Variants in PTPRD observed in about 807,000 individuals in gnomAD.
PTPRD encodes the protein protein tyrosine phosphatase receptor type D.
In PTPRD, 34 loss-of-function variants were observed where a neutral mutation model predicts 214.5. The observed-to-expected ratio is 0.16, with a 90% CI of 0.12 to 0.21. The LOEUF (loss-of-function observed/expected upper bound fraction) is 0.21, where lower values mean the gene tolerates loss of function less well. PTPRD is among the 10% of genes least tolerant of loss of function. The probability of loss-of-function intolerance (pLI) is 1.00; values close to 1 mark genes in which losing one functional copy is unlikely to be tolerated. For missense variants in PTPRD, 2,545 were observed against 2,398.7 expected, an observed-to-expected ratio of 1.06 and a Z score of -1.27; for synonymous variants, 1,128 against 845.7, an observed-to-expected ratio of 1.33 and a Z score of -5.79.
At chr9:10,165,863 G>T (rs1191209524) in intron 3 of PTPRD, among the ~76,000 whole-genome samples, 2 of 150,690 alleles carry the variant, frequency 1.3e-5, no homozygotes. Context: ...TTAAAGGCAT[G>T]AGTTCTGTAA....
intron 2 of PTPRD, among the ~76,000 whole-genome samples, chr9:10,467,974 T>C (rs1277748663): frequency 5.3e-5 from 8 of 152,136 alleles, no homozygotes; most frequent in Non-Finnish European, 1.2e-4. Flanking sequence ...CCAGTTAGAA[T>C]GGCAACCATT....
chr9:8,345,689 T>G (rs1020924558), intron 39 of PTPRD, among the ~76,000 whole-genome samples: 1 of 152,078 alleles, frequency 6.6e-6, no homozygotes, highest in African/African-American at 2.4e-5. Flanking sequence ...GTATCACGGT[T>G]CCATTGATTC....
intron 34 of PTPRD, among the ~76,000 whole-genome samples, chr9:8,441,608 T>C (rs2095548598): frequency 6.6e-6 from 1 of 151,742 alleles, no homozygotes; most frequent in Admixed American, 6.6e-5. Context: ...TCAAGGAGTG[T>C]TGGGAGTGAC....
At chr9:10,360,832 G>C (rs533677705) in intron 2 of PTPRD, among the ~76,000 whole-genome samples, 8 of 152,184 alleles carry the variant, frequency 5.3e-5, no homozygotes, top group African/African-American at 7.2e-5. Context: ...GCCAGGCGCG[G>C]TGGCTCACGC....
At chr9:9,214,483 A>ATTT in intron 9 of PTPRD, among the ~76,000 whole-genome samples, 2 of 144,864 alleles carry the variant, frequency 1.4e-5, no homozygotes, top group African/African-American at 5.1e-5. Flanking sequence ...AGGGAGGAGG[A>ATTT]TTTTTTTTTT....
chr9:9,479,217 C>CAA (rs2095278200), intron 8 of PTPRD, among the ~76,000 whole-genome samples: 1 of 11,104 alleles, frequency 9.0e-5, no homozygotes, highest in Admixed American at 5.6e-4. Context: ...ACACACACGC[C>CAA]CCCCCCCCCC....
At chr9:10,499,355 G>A (rs932480339) in intron 2 of PTPRD, among the ~76,000 whole-genome samples, 3 of 151,800 alleles carry the variant, frequency 2.0e-5, no homozygotes, top group African/African-American at 7.2e-5. Flanking sequence ...TACTAAACTC[G>A]ATAGATTATT....
intron 2 of PTPRD, among the ~76,000 whole-genome samples, chr9:10,354,395 A>C (rs943241535): frequency 1.7e-4 from 26 of 152,320 alleles, no homozygotes; most frequent in African/African-American, 5.8e-4. Context: ...GGCTAAGAGA[A>C]TCAATCAACT....
chr9:8,623,032 G>T (rs1167299628), intron 14 of PTPRD, among the ~76,000 whole-genome samples: 1 of 151,676 alleles, frequency 6.6e-6, no homozygotes, highest in Non-Finnish European at 1.5e-5. Context: ...TCATACTATA[G>T]TCCCAGCAAC....
At chr9:9,810,642 T>C (rs960911684) in intron 5 of PTPRD, among the ~76,000 whole-genome samples, 15 of 152,084 alleles carry the variant, frequency 9.9e-5, no homozygotes. Flanking sequence ...TAAAATACTA[T>C]TGCTCATTGA....
At chr9:9,202,765 A>T (rs1050389980) in intron 9 of PTPRD, among the ~76,000 whole-genome samples, 1 of 152,214 alleles carries the variant, frequency 6.6e-6, no homozygotes, top group African/African-American at 2.4e-5. Context: ...CACTGAACAC[A>T]ACTGTTCAGT....
intron 8 of PTPRD, among the ~76,000 whole-genome samples, chr9:9,433,315 C>G (rs2143449572): frequency 6.6e-6 from 1 of 152,254 alleles, no homozygotes; most frequent in African/African-American, 2.4e-5. Flanking sequence ...TCATCCTTTT[C>G]AGACTGAACT....
At chr9:8,792,839 C>CT (rs754131526) in intron 11 of PTPRD, among the ~76,000 whole-genome samples, 1 of 152,148 alleles carries the variant, frequency 6.6e-6, no homozygotes, top group Admixed American at 6.5e-5. Flanking sequence ...TTCTCTCCCT[C>CT]TTTTTTCTTT....
intron 2 of PTPRD, among the ~76,000 whole-genome samples, chr9:10,417,636 G>A (rs2098504823): frequency 6.6e-6 from 1 of 151,528 alleles, no homozygotes; most frequent in South Asian, 2.1e-4. Context: ...TATAGATTCT[G>A]AAGCATTTAG....
chr9:9,413,100 C>CTTTTTTTTTTTTTTTTTTTTTTTTTTTT (rs5896325), intron 8 of PTPRD, among the ~76,000 whole-genome samples: 3 of 63,026 alleles, frequency 4.8e-5, no homozygotes, highest in African/African-American at 2.1e-4. Context: ...CTTGCAGCTT[C>CTTTTTTTTTTTTTTTTTTTTTTTTTTTT]TTTTTTTTTT....
intron 5 of PTPRD, among the ~76,000 whole-genome samples, chr9:9,832,880 GC>G (rs1219583538): frequency 6.9e-6 from 1 of 145,792 alleles, no homozygotes; most frequent in African/African-American, 2.7e-5. Context: ...AGAATGGGAA[GC>G]TTTTTTTCTA....
chr9:8,464,422 T>G (rs2096496622), intron 32 of PTPRD, among the ~76,000 whole-genome samples: 1 of 152,006 alleles, frequency 6.6e-6, no homozygotes. Context: ...AATGACATTC[T>G]GAGCACAAAG....
chr9:9,067,991 C>A lies in PTPRD; in HGVS notation c.-142-49256G>T, dbSNP rs969411068. Among the ~76,000 whole-genome samples, 3 of 152,288 alleles carry A rather than the reference C, an allele frequency of 2.0e-5. No homozygotes were observed. The Middle Eastern group carries it at 0.01, about 518-fold the overall frequency. On this transcript the variant is annotated intron_variant, in intron 10 of 45. Transcript: ENST00000381196. ...TTCACTTTTCTCTTCCCCACCTCTCCCGGCTACCAGTTCCTAATCTCTGGC... is the reference window on the plus strand; with the variant it reads ...TTCACTTTTCTCTTCCCCACCTCTCACGGCTACCAGTTCCTAATCTCTGGC...
At chr9:10,140,524 A>T (rs1564075218) in intron 3 of PTPRD, among the ~76,000 whole-genome samples, 1 of 152,070 alleles carries the variant, frequency 6.6e-6, no homozygotes, top group South Asian at 2.1e-4. Context: ...TTCTCGACAC[A>T]TACACTCTCC....
Sources: allele counts gnomAD v4.1 joint callset (sites outside exome capture counted in the v4.1 genomes callset), GRCh38; gene constraint gnomAD v4.1.1; transcripts MANE v1.5; gene names NCBI Gene and HGNC (gene_info 2026-07-23, HGNC 2026-07-21).